SMC6: variants seen among roughly 807,000 people sequenced by gnomAD.
The protein encoded by SMC6 is structural maintenance of chromosomes 6, also known as structural maintenance of chromosomes protein 6.
A neutral mutation model predicts 142.2 loss-of-function variants in SMC6; 79 were observed. The ratio of observed to expected loss-of-function variants is 0.56; its 90% CI spans 0.46 to 0.67. The LOEUF is 0.67. Among genes scored for constraint, SMC6 ranks in the 30% least tolerant of loss-of-function variants. The pLI is 0.00. For missense variants in SMC6, 1,072 were observed against 1,284.0 expected (o/e 0.83, Z 2.52); for synonymous variants, 411 against 412.4 (o/e 1.00, Z 0.04).
At chr2:17,717,249 A>C (rs1669138971) in intron 12 of SMC6, 73 bp from the exon 13 acceptor site, 1 of 1,043,334 alleles carries the variant, frequency 9.6e-7, no homozygotes, top group Admixed American at 2.3e-5. Context: ...CTTTTGTCAA[A>C]TCTTCAGAGG....
At chr2:17,726,993 T>C (rs1669660190) in intron 7 of SMC6, among the ~76,000 whole-genome samples, 1 of 152,268 alleles carries the variant, frequency 6.6e-6, no homozygotes, top group South Asian at 2.1e-4. Flanking sequence ...ATTGTCTATT[T>C]TTCTTACAGA....
intron 23 of SMC6, among the ~76,000 whole-genome samples, chr2:17,685,452 G>A (rs1170465204): frequency 6.6e-6 from 1 of 151,976 alleles, no homozygotes; most frequent in Non-Finnish European, 1.5e-5. Context: ...AAACATAAAA[G>A]CTAAAGACAA....
At chr2:17,721,286 C>A (rs891422409) in intron 9 of SMC6, 25 bp from the exon 10 acceptor site, 8 of 1,531,260 alleles carry the variant, frequency 5.2e-6, no homozygotes, top group Non-Finnish European at 7.0e-6. Context: ...ACAGAACGGA[C>A]GTATTTTTTA....
chr2:17,697,344 T>C (rs970511552), intron 21 of SMC6, among the ~76,000 whole-genome samples: 1 of 151,852 alleles, frequency 6.6e-6, no homozygotes, highest in African/African-American at 2.4e-5. Flanking sequence ...ACTTCAAAAC[T>C]ATAAGTGAGT....
At chr2:17,674,460 A>G (rs1430900839) in intron 25 of SMC6, among the ~76,000 whole-genome samples, 2 of 152,192 alleles carry the variant, frequency 1.3e-5, no homozygotes, top group East Asian at 1.9e-4. Context: ...TATAGCCAGG[A>G]AATGGTCTAT....
chr2:17,751,893 A>C lies in SMC6; in HGVS notation c.-6+1085T>G, dbSNP rs142449890. 4.2e-3 allele frequency among the ~76,000 whole-genome samples: 646 copies of C among 152,362 alleles called. 7 individuals are homozygous for C. The highest frequency in any genetic ancestry group is 0.015 in the African/African-American group (603 of 41,578). On this transcript the variant is annotated intron_variant, in intron 2 of 27. Coordinates refer to ENST00000448223, the MANE Select transcript of SMC6 (RefSeq NM_001142286.2). ...TTCCTAACTTTGGTCTAAAAATGAC[A>C]GTCAAGATTTAGGTAGGTTTTACAT...
At chr2:17,729,557 T>C (rs1050358325) in intron 7 of SMC6, among the ~76,000 whole-genome samples, 1 of 151,834 alleles carries the variant, frequency 6.6e-6, no homozygotes, top group African/African-American at 2.4e-5. Context: ...CAAGAAAACC[T>C]GGTGGAGATT....
intron 21 of SMC6, among the ~76,000 whole-genome samples, chr2:17,697,514 T>G (rs1050292024): frequency 6.6e-6 from 1 of 151,848 alleles, no homozygotes; most frequent in Admixed American, 6.6e-5. Context: ...AATAAAAGAC[T>G]CAGAACCCAA....
chr2:17,696,773 T>G (rs190594527), intron 21 of SMC6, among the ~76,000 whole-genome samples: 1 of 152,060 alleles, frequency 6.6e-6, no homozygotes, highest in Non-Finnish European at 1.5e-5. Flanking sequence ...TTAAAAAGGG[T>G]GGGTTCGGGA....
rs761464620 is a variant in SMC6, at chr2:17,683,630, G to A, written c.2804+8C>T. On this transcript the variant is annotated splice_region_variant and intron_variant, in intron 24 of 27. Coordinates refer to ENST00000448223, the MANE Select transcript of SMC6 (RefSeq NM_001142286.2). ...ATAATATATAGTAACATTTTTCAAT[G>A]TACTTACCTTCTAAATTGTTGATAT... 22 of 1,602,534 alleles carry A rather than the reference G, an allele frequency of 1.4e-5. No homozygotes were observed. The highest frequency in any genetic ancestry group is 1.4e-4 in the Admixed American group (8 of 58,338).
Position 17,716,120 on chromosome 2 carries a change from T to C in SMC6, c.1491A>G (p.Gln497=). 6.2e-7 allele frequency: 1 copy of C among 1,600,134 alleles called. No homozygotes were observed. The highest frequency in any genetic ancestry group is 8.5e-7 in the Non-Finnish European group (1 of 1,176,444). Residue 497 remains glutamine (Q), a synonymous_variant, in exon 15 of 28, where the codon CAA becomes CAG. Coordinates refer to ENST00000448223, the MANE Select transcript of SMC6 (RefSeq NM_001142286.2). The stretch of plus-strand genomic sequence containing the variant: ...CTACAGGTTTATAGGTAAAATGTCC[T>C]TGTCTATAAGCATCATCTATGGCTT... ...LLEAIDDAYR[Q]GHFTYKPVGP...
At position 17,700,311 on chromosome 2, in the gene SMC6, T is replaced by G; in HGVS notation, c.2291A>C (p.Glu764Ala). The stretch of plus-strand genomic sequence containing the variant: ...CAGACTTTTAAGATGCTCCATATTT[T>G]CTTTTTGTTGCTCCATATGTTCCTC... ...MVEEHMEQQK[E>A]NMEHLKSLKI... The change falls in exon 21 of 28, where the codon GAA (glutamate) becomes GCA (alanine). Residue 764 changes from glutamate to alanine, a missense_variant. This residue lies in a region of SMC6 where 994 missense variants were observed against 1,153.2 expected (regional missense o/e 0.86). Transcript: ENST00000448223. 6.2e-7 allele frequency: 1 copy of G among 1,611,944 alleles called. No homozygotes were observed. Among genetic ancestry groups the G allele is most frequent in the Non-Finnish European group, 8.5e-7 (1 of 1,179,100 alleles).
intron 7 of SMC6, 35 bp downstream of exon 7, chr2:17,731,043 T>C (rs1201956797): frequency 6.5e-7 from 1 of 1,535,230 alleles, no homozygotes; most frequent in Non-Finnish European, 9.0e-7. Flanking sequence ...TGACAAGGTG[T>C]ATGAATTAAT....
intron 24 of SMC6, 79 bp downstream of exon 24, chr2:17,683,559 A>T: frequency 7.8e-7 from 1 of 1,286,128 alleles, no homozygotes. Flanking sequence ...TCTCTGCTAT[A>T]ACAGAATTAT....
intron 7 of SMC6, 73 bp from the exon 8 acceptor site, chr2:17,726,542 C>G: frequency 8.0e-7 from 1 of 1,253,388 alleles, no homozygotes; most frequent in Non-Finnish European, 1.1e-6. Flanking sequence ...CTGAAACATA[C>G]ATTACAAGTG....
chr2:17,741,855 G>A (rs1670487030), intron 3 of SMC6, 126 bp from the exon 4 acceptor site: 8 of 565,302 alleles, frequency 1.4e-5, no homozygotes, highest in South Asian at 2.9e-5. Context: ...AGTGAATAAT[G>A]GTAACTTCAA....
intron 23 of SMC6, among the ~76,000 whole-genome samples, chr2:17,685,886 A>C (rs1283149858): frequency 6.6e-6 from 1 of 152,008 alleles, no homozygotes; most frequent in Admixed American, 6.6e-5. Flanking sequence ...AATACTCCAT[A>C]TATATCTATA....
At chr2:17,689,668 C>CA (rs1667614765) in intron 23 of SMC6, among the ~76,000 whole-genome samples, 1 of 152,144 alleles carries the variant, frequency 6.6e-6, no homozygotes, top group Non-Finnish European at 1.5e-5. Context: ...AGATCCAGGG[C>CA]CCCCTGGGCA....
chr2:17,733,606 G>T (rs917751280), intron 5 of SMC6, among the ~76,000 whole-genome samples: 6 of 152,092 alleles, frequency 3.9e-5, no homozygotes, highest in Non-Finnish European at 7.4e-5. Context: ...AAAATAAAAA[G>T]GTTTTAAAAA....
Sources: allele counts gnomAD v4.1 joint callset (sites outside exome capture counted in the v4.1 genomes callset), GRCh38; gene constraint gnomAD v4.1.1; regional missense constraint gnomAD v4.1.1; transcripts MANE v1.5; gene names NCBI Gene and HGNC (gene_info 2026-07-23, HGNC 2026-07-21).